MAN1C1: variants seen among roughly 807,000 people sequenced by gnomAD.
The protein encoded by MAN1C1 is mannosyl-oligosaccharide 1,2-alpha-mannosidase IC.
Under a neutral mutation model 71.5 loss-of-function variants are expected in MAN1C1, and 49 were observed. The ratio of observed to expected loss-of-function variants is 0.69; its 90% CI spans 0.54 to 0.87. MAN1C1 has a LOEUF of 0.87. Ranked by LOEUF, MAN1C1 falls within the 40% of genes least tolerant of loss-of-function variation. MAN1C1 has a pLI of 0.00. For missense variants in MAN1C1, 743 were observed against 835.0 expected (o/e 0.89, Z 1.36); for synonymous variants, 352 against 343.7 (o/e 1.02, Z -0.27).
intron 5 of MAN1C1, among the ~76,000 whole-genome samples, chr1:25,754,914 G>A (rs1013857320): frequency 1.3e-5 from 2 of 152,198 alleles, no homozygotes; most frequent in Admixed American, 6.5e-5. Flanking sequence ...GGCAACATCC[G>A]CCTTTTTGTT....
chr1:25,624,454 G>C (rs1373334376), intron 1 of MAN1C1, among the ~76,000 whole-genome samples: 2 of 152,124 alleles, frequency 1.3e-5, no homozygotes, highest in Non-Finnish European at 2.9e-5. Flanking sequence ...CCCCACACTT[G>C]GCAGGCAGGT....
chr1:25,781,205 G>C, intron 10 of MAN1C1, 93 bp downstream of exon 10: 1 of 1,387,582 alleles, frequency 7.2e-7, no homozygotes, highest in Non-Finnish European at 1.0e-6. Context: ...GCCTGGAGTG[G>C]AAGGCCAAGC....
chr1:25,663,105 A>G (rs1384013804), intron 1 of MAN1C1, among the ~76,000 whole-genome samples: 2 of 148,374 alleles, frequency 1.3e-5, no homozygotes, highest in Non-Finnish European at 3.0e-5. Context: ...AAAAAATTAT[A>G]CATATATATA....
chr1:25,761,566 G>C (rs781659167), intron 6 of MAN1C1: 2 of 147,866 alleles, frequency 1.4e-5, no homozygotes, highest in Non-Finnish European at 3.0e-5. Context: ...TATATCCTTT[G>C]ATCAGCATCT....
chr1:25,767,653 A>C lies in MAN1C1; in HGVS notation c.1141+3686A>C, dbSNP rs868830936. ...CACACACACATTACACACTCCCCCC[A>C]CACACAGACCCACACAGCCACACTC... is the stretch of plus-strand genomic sequence containing the variant. On this transcript the variant is annotated intron_variant, in intron 7 of 11. Coordinates refer to ENST00000374332, the MANE Select transcript of MAN1C1 (RefSeq NM_020379.4). 4.0e-3 allele frequency among the ~76,000 whole-genome samples: 136 copies of C among 33,858 alleles called. 1 individual carries two copies. Among genetic ancestry groups the C allele is most frequent in the African/African-American group, 0.02 (114 of 5,572 alleles). 22.2% of individuals were successfully genotyped at this position (33,858 alleles called of 152,430 possible). A position where few individuals can be genotyped will look rare whatever the true frequency, so the allele number is the denominator to read the frequency against.
intron 2 of MAN1C1, among the ~76,000 whole-genome samples, chr1:25,726,708 G>A (rs1300793327): frequency 2.0e-5 from 3 of 151,972 alleles, no homozygotes; most frequent in Non-Finnish European, 4.4e-5. Flanking sequence ...TTGTCATCTG[G>A]AAATGGAGAT....
chr1:25,699,512 G>C (rs1242282249), intron 2 of MAN1C1, among the ~76,000 whole-genome samples: 1 of 152,074 alleles, frequency 6.6e-6, no homozygotes, highest in East Asian at 1.9e-4. Flanking sequence ...CATAAATGCA[G>C]CTCCTGGTAT....
At chr1:25,717,088 G>T (rs2046690811) in intron 2 of MAN1C1, among the ~76,000 whole-genome samples, 1 of 152,158 alleles carries the variant, frequency 6.6e-6, no homozygotes. Flanking sequence ...TTTCCAGTTT[G>T]AGGCTATTAA....
In MAN1C1 at chr1:25,617,792, G is replaced by T. The variant is rs1164678512; in HGVS notation, c.-6G>T. The T allele has an allele frequency of 1.9e-6, 3 of 1,586,550 alleles. No individual in the cohort carries two copies. Among genetic ancestry groups the T allele is most frequent in the Middle Eastern group, 1.9e-4 (1 of 5,384 alleles). ...GAGGGCTTCTGGAGCCACCGGCCGG[G>T]CCACGATGCTCATGAGGAAAGTGCC... is the stretch of plus-strand genomic sequence containing the variant. On this transcript the variant is annotated 5_prime_UTR_variant, in exon 1 of 12. Transcript: ENST00000374332. This position sits in a 1 kb window ranked among gnomAD's most constrained non-coding sequence, Gnocchi z 5.1.
At chr1:25,734,427 C>A (rs1452443983) in intron 2 of MAN1C1, among the ~76,000 whole-genome samples, 3 of 152,248 alleles carry the variant, frequency 2.0e-5, no homozygotes, top group African/African-American at 7.2e-5. Flanking sequence ...CTGCACCTGG[C>A]CCAATGATAG....
At chr1:25,633,271 G>T (rs1230952820) in intron 1 of MAN1C1, among the ~76,000 whole-genome samples, 4 of 152,204 alleles carry the variant, frequency 2.6e-5, no homozygotes, top group African/African-American at 7.2e-5. Context: ...GTATTCTGCA[G>T]TTCTTGGGTA....
At chr1:25,694,546 G>A (rs2046346317) in intron 2 of MAN1C1, among the ~76,000 whole-genome samples, 1 of 152,222 alleles carries the variant, frequency 6.6e-6, no homozygotes, top group South Asian at 2.1e-4. Flanking sequence ...TCTTTGCCTT[G>A]TAAACGGAGC....
intron 2 of MAN1C1, among the ~76,000 whole-genome samples, chr1:25,712,177 TGGATCAAACCAGCGTTCTGCTATGCTCG>T (rs1370300346): frequency 1.3e-5 from 2 of 152,366 alleles, no homozygotes; most frequent in East Asian, 1.9e-4. Context: ...GTAACAGTAC[TGGATCAAACCAGCGTTCTGCTATGCTCG>T]GCCGGCGTCT....
Position 25,776,532 on chromosome 1 carries a change from G to A in MAN1C1, c.1258-1573G>A, listed in dbSNP as rs986839137. ...CATGCCACTGCACTTCAGCCTGGGT[G>A]ACAGAGTAAGACTGTGTCTCAAAAC... On this transcript the variant is annotated intron_variant, in intron 8 of 11. Coordinates refer to ENST00000374332, the MANE Select transcript of MAN1C1 (RefSeq NM_020379.4). The surrounding 1 kb of genome is among the most constrained non-coding windows in gnomAD (Gnocchi z 4.3). Among the ~76,000 whole-genome samples the A allele has an allele frequency of 3.3e-5, 5 of 150,722 alleles. No homozygotes were observed. Among genetic ancestry groups the A allele is most frequent in the Admixed American group, 1.3e-4 (2 of 15,184 alleles).
chr1:25,680,987 G>A (rs914795817), intron 1 of MAN1C1, among the ~76,000 whole-genome samples: 24 of 151,958 alleles, frequency 1.6e-4, no homozygotes, highest in African/African-American at 3.9e-4. Flanking sequence ...TTTGGGAAGC[G>A]AGGCGTGCAG....
rs143652764 is a variant in MAN1C1, at chr1:25,727,012, G to A, written c.638-19656G>A. Among the ~76,000 whole-genome samples the A allele has an allele frequency of 2.1e-3, 318 of 152,106 alleles. 1 individual carries two copies. The highest frequency in any genetic ancestry group is 6.9e-3 in the African/African-American group (287 of 41,484). On this transcript the variant is annotated intron_variant, in intron 2 of 11. Coordinates refer to ENST00000374332, the MANE Select transcript of MAN1C1 (RefSeq NM_020379.4). Reference sequence around the variant, plus strand: ...GTGGAGGTTGCAGTGAGCTGAAAGTGCGCCACTGCATTCCAGCTTGGTTGA... The same window carrying A: ...GTGGAGGTTGCAGTGAGCTGAAAGTACGCCACTGCATTCCAGCTTGGTTGA...
chr1:25,760,568 C>T (rs968904341), intron 6 of MAN1C1: 8 of 152,348 alleles, frequency 5.3e-5, no homozygotes, highest in Middle Eastern at 3.4e-3. Context: ...CACTGCTCAC[C>T]ACCAGGACAG....
intron 1 of MAN1C1, among the ~76,000 whole-genome samples, chr1:25,675,587 G>T (rs867366547): frequency 7.8e-5 from 11 of 141,158 alleles, no homozygotes; most frequent in Admixed American, 2.1e-4. Flanking sequence ...TATTTTGCGG[G>T]GGGGGGGGGA....
intron 2 of MAN1C1, among the ~76,000 whole-genome samples, chr1:25,720,732 A>G (rs2046751528): frequency 6.6e-6 from 1 of 152,208 alleles, no homozygotes; most frequent in African/African-American, 2.4e-5. Context: ...TTTGACGTCT[A>G]AGAATCCATT....
Sources: gnomAD v4.1 joint callset for allele counts (sites outside exome capture counted in the v4.1 genomes callset) on GRCh38, gnomAD v4.1.1 for gene constraint, Gnocchi (gnomAD v3.1) non-coding constraint, MANE v1.5 for transcripts, NCBI Gene and HGNC (gene_info 2026-07-23, HGNC 2026-07-21) for gene names.